The following LINGO2 variants were observed in gnomAD, a reference collection of about 807,000 sequenced individuals.
The protein encoded by LINGO2 is leucine-rich repeat and immunoglobulin-like domain-containing nogo receptor-interacting protein 2.
Under a neutral mutation model 30.6 loss-of-function variants are expected in LINGO2, and 14 were observed. The ratio of observed to expected loss-of-function variants is 0.46; its 90% CI spans 0.30 to 0.72. The LOEUF is 0.72. LINGO2 is among the 30% of genes least tolerant of loss of function. The pLI, the probability that LINGO2 is intolerant of heterozygous loss-of-function variation, is 0.07. For missense variants in LINGO2, 729 were observed against 751.7 expected (o/e 0.97, Z 0.35); for synonymous variants, 317 against 288.5 (o/e 1.10, Z -1.00).
At chr9:28,661,736 G>A (rs1828591897) in intron 1 of LINGO2, among the ~76,000 whole-genome samples, 1 of 152,098 alleles carries the variant, frequency 6.6e-6, no homozygotes, top group Admixed American at 6.6e-5. Context: ...TTTTTAAAAA[G>A]CCAATGGGAT....
At chr9:28,009,666 C>T (rs1281614313) in intron 5 of LINGO2, among the ~76,000 whole-genome samples, 1 of 152,116 alleles carries the variant, frequency 6.6e-6, no homozygotes, top group Non-Finnish European at 1.5e-5. Context: ...CAATGAAATA[C>T]TACTTCACAT....
the LINGO2 span, among the ~76,000 whole-genome samples, chr9:29,126,385 A>G: frequency 6.6e-6 from 1 of 152,152 alleles, no homozygotes; most frequent in Non-Finnish European, 1.5e-5. Context: ...TTATAAATAA[A>G]GCCTGTATAG....
the LINGO2 span, among the ~76,000 whole-genome samples, chr9:28,996,651 A>G: frequency 6.6e-6 from 1 of 152,290 alleles, no homozygotes; most frequent in African/African-American, 2.4e-5. Context: ...GATGTTTGTT[A>G]GATGTTTGTT....
chr9:28,121,114 T>G (rs888666428), intron 4 of LINGO2, among the ~76,000 whole-genome samples: 8 of 152,088 alleles, frequency 5.3e-5, no homozygotes, highest in Admixed American at 3.3e-4. Flanking sequence ...ATTCATAGAC[T>G]GTAAATTTGT....
the LINGO2 span, among the ~76,000 whole-genome samples, chr9:28,858,420 A>G: frequency 6.6e-6 from 1 of 151,916 alleles, no homozygotes; most frequent in African/African-American, 2.4e-5. Context: ...TAATTTCTCT[A>G]CTGTCTGATA....
chr9:28,197,975 T>C (rs1473833277), intron 4 of LINGO2, among the ~76,000 whole-genome samples: 2 of 151,946 alleles, frequency 1.3e-5, no homozygotes, highest in South Asian at 2.1e-4. Flanking sequence ...TTTAATAATG[T>C]ACCATAGTAA....
chr9:28,217,975 G>A (rs559712975), intron 4 of LINGO2, among the ~76,000 whole-genome samples: 2 of 151,812 alleles, frequency 1.3e-5, no homozygotes, highest in African/African-American at 4.8e-5. Context: ...AGAGGAGGGA[G>A]ATATATTCTT....
chr9:28,172,774 C>T (rs142266665), intron 4 of LINGO2, among the ~76,000 whole-genome samples: 4 of 152,000 alleles, frequency 2.6e-5, no homozygotes, highest in East Asian at 1.9e-4. Flanking sequence ...GTTCTCTTCT[C>T]GTTTTTTGTC....
the LINGO2 span, among the ~76,000 whole-genome samples, chr9:29,201,086 T>C: frequency 3.9e-5 from 6 of 152,192 alleles, no homozygotes; most frequent in South Asian, 1.2e-3. Flanking sequence ...ATTGTAACAT[T>C]ACTTTTTCCT....
chr9:28,712,969 G>A, the LINGO2 span, among the ~76,000 whole-genome samples: 1 of 151,998 alleles, frequency 6.6e-6, no homozygotes, highest in Non-Finnish European at 1.5e-5. Context: ...AGATTCAAGT[G>A]ATTCTCCTGC....
At chr9:28,741,363 G>T in the LINGO2 span, among the ~76,000 whole-genome samples, 1 of 151,964 alleles carries the variant, frequency 6.6e-6, no homozygotes, top group African/African-American at 2.4e-5. Context: ...ATCTGGGGCT[G>T]GCCTAGAACC....
chr9:29,052,981 A>C, the LINGO2 span, among the ~76,000 whole-genome samples: 1 of 152,146 alleles, frequency 6.6e-6, no homozygotes, highest in Non-Finnish European at 1.5e-5. Flanking sequence ...CAAAAAGTTA[A>C]TTATTTCTGA....
At chr9:28,551,740 T>G (rs1462583832) in intron 1 of LINGO2, among the ~76,000 whole-genome samples, 4 of 152,062 alleles carry the variant, frequency 2.6e-5, no homozygotes, top group African/African-American at 4.8e-5. Flanking sequence ...GAAGGGATGA[T>G]TTAGACACTG....
At chr9:28,451,965 T>C (rs549058034) in intron 2 of LINGO2, among the ~76,000 whole-genome samples, 9 of 151,738 alleles carry the variant, frequency 5.9e-5, no homozygotes, top group Non-Finnish European at 1.3e-4. Context: ...CATTAAAATA[T>C]ACTGCAATAG....
intron 1 of LINGO2, among the ~76,000 whole-genome samples, chr9:28,553,618 C>A (rs147141336): frequency 6.6e-4 from 100 of 152,080 alleles, no homozygotes; most frequent in African/African-American, 2.1e-3. Flanking sequence ...GCAAGGCAGG[C>A]CAACGTTCAG....
At chr9:28,558,485 T>C (rs532767739) in intron 1 of LINGO2, among the ~76,000 whole-genome samples, 108 of 152,168 alleles carry the variant, frequency 7.1e-4, no homozygotes, top group African/African-American at 2.6e-3. Flanking sequence ...TTTTATCCTC[T>C]TTGGGGAATA....
At chr9:28,506,675 C>G (rs1320774578) in intron 1 of LINGO2, among the ~76,000 whole-genome samples, 2 of 150,710 alleles carry the variant, frequency 1.3e-5, no homozygotes, top group African/African-American at 2.4e-5. Context: ...TCTGTCTTCA[C>G]TCATTTTAAA....
intron 4 of LINGO2, among the ~76,000 whole-genome samples, chr9:28,030,234 GAACA>G (rs1282045781): frequency 6.6e-6 from 1 of 152,078 alleles, no homozygotes; most frequent in Non-Finnish European, 1.5e-5. Context: ...CACTAACTTG[GAACA>G]TGAGAAAACA....
chr9:28,786,860 G>A, the LINGO2 span, among the ~76,000 whole-genome samples: 1 of 152,118 alleles, frequency 6.6e-6, no homozygotes, highest in Non-Finnish European at 1.5e-5. Context: ...TTTTTGACGG[G>A]TAAGCAGGAA....
Sources: allele counts gnomAD v4.1 joint callset (sites outside exome capture counted in the v4.1 genomes callset), GRCh38; gene constraint gnomAD v4.1.1; transcripts MANE v1.5; gene names NCBI Gene and HGNC (gene_info 2026-07-23, HGNC 2026-07-21).